ZNF438: variants seen among roughly 807,000 people sequenced by gnomAD.
ZNF438 encodes the protein zinc finger protein 438.
In ZNF438, 25 loss-of-function variants were observed where a neutral mutation model predicts 38.0. The ratio of observed to expected loss-of-function variants is 0.66; its 90% CI spans 0.48 to 0.92. ZNF438 has a LOEUF of 0.92. Ranked by LOEUF, ZNF438 falls within the 40% of genes least tolerant of loss-of-function variation. The pLI is 0.00. For missense variants in ZNF438, 1,007 were observed against 999.6 expected, an observed-to-expected ratio of 1.01 and a Z score of -0.10; for synonymous variants, 372 against 364.1, an observed-to-expected ratio of 1.02 and a Z score of -0.25.
intron 1 of ZNF438, among the ~76,000 whole-genome samples, chr10:30,952,277 A>G (rs2048306404): frequency 6.7e-6 from 1 of 148,962 alleles, no homozygotes; most frequent in African/African-American, 2.4e-5. Flanking sequence ...CTTAAACGTT[A>G]GACCTAAAAC....
At chr10:30,990,862 CTT>C (rs573471697) in intron 1 of ZNF438, among the ~76,000 whole-genome samples, 2 of 146,022 alleles carry the variant, frequency 1.4e-5, no homozygotes, top group Non-Finnish European at 1.5e-5. Context: ...GAAGATATAT[CTT>C]TTTTTTTTTA....
intron 5 of ZNF438, among the ~76,000 whole-genome samples, chr10:30,846,391 G>A (rs1202110301): frequency 1.3e-5 from 2 of 152,220 alleles, no homozygotes; most frequent in Non-Finnish European, 2.9e-5. Flanking sequence ...TTGCTGCTGG[G>A]AAAACATGGA....
intron 1 of ZNF438, among the ~76,000 whole-genome samples, chr10:31,009,236 CTAGA>C (rs2055427628): frequency 6.6e-6 from 1 of 152,168 alleles, no homozygotes; most frequent in South Asian, 2.1e-4. Flanking sequence ...GCTACTTGCA[CTAGA>C]TAGATTGTGT....
chr10:30,908,851 T>C (rs984134220), intron 3 of ZNF438, 82 bp downstream of exon 4: 7 of 152,194 alleles, frequency 4.6e-5, no homozygotes, highest in Admixed American at 3.9e-4. Flanking sequence ...CCATTTGCAG[T>C]TGATTTAAGG....
intron 4 of ZNF438, among the ~76,000 whole-genome samples, chr10:30,862,141 C>T (rs2035684824): frequency 6.6e-6 from 1 of 152,170 alleles, no homozygotes; most frequent in Non-Finnish European, 1.5e-5. Flanking sequence ...AATACCTGTG[C>T]ACGCTGTCCT....
chr10:30,975,054 TA>T (rs937943237), intron 1 of ZNF438, among the ~76,000 whole-genome samples: 2 of 151,400 alleles, frequency 1.3e-5, no homozygotes, highest in African/African-American at 4.9e-5. Context: ...AATCATCCAC[TA>T]AAAAAGAAAA....
intron 1 of ZNF438, among the ~76,000 whole-genome samples, chr10:30,997,824 T>G (rs1589651955): frequency 6.6e-6 from 1 of 152,156 alleles, no homozygotes; most frequent in South Asian, 2.1e-4. Context: ...ATGTCATTCT[T>G]GGAGTTAAAG....
intron 3 of ZNF438, among the ~76,000 whole-genome samples, chr10:30,902,971 G>A (rs1589113563): frequency 7.7e-6 from 1 of 129,458 alleles, no homozygotes. Flanking sequence ...GCTAAGGACC[G>A]GGGAGAAATC....
intron 1 of ZNF438, among the ~76,000 whole-genome samples, chr10:30,946,969 C>T (rs1026512111): frequency 2.0e-5 from 3 of 152,222 alleles, no homozygotes; most frequent in African/African-American, 7.2e-5. Context: ...TACCACGTCA[C>T]ATACAAAATA....
intron 2 of ZNF438, among the ~76,000 whole-genome samples, chr10:30,916,886 T>A (rs1160935234): frequency 6.6e-6 from 1 of 152,120 alleles, no homozygotes; most frequent in Non-Finnish European, 1.5e-5. Flanking sequence ...TCAATTTGTA[T>A]AACCACTAGC....
chr10:31,024,296 G>T (rs1270236978), intron 1 of ZNF438, among the ~76,000 whole-genome samples: 3 of 152,036 alleles, frequency 2.0e-5, no homozygotes, highest in Non-Finnish European at 4.4e-5. Context: ...TTGTCAAGAA[G>T]ATTAAATGGG....
At position 30,844,967 on chromosome 10, in the gene ZNF438, C is replaced by T. The variant is rs200884982; in HGVS notation, c.2481G>A (p.Glu827=). The change falls in exon 6 of 6, where the codon GAG becomes GAA. Residue 827 remains glutamate, a synonymous_variant. Transcript: ENST00000413025. Reference sequence around the variant, plus strand: ...CCCAGGCTGCCTTGGGGTCTCATTTCTCAGCTTCACTGGAAAGTTCGATCA... The same window carrying T: ...CCCAGGCTGCCTTGGGGTCTCATTTTTCAGCTTCACTGGAAAGTTCGATCA... 9.9e-6 allele frequency: 16 copies of T among 1,612,984 alleles called. No homozygotes were observed. The African/African-American group carries it at 1.9e-4, about 19-fold the overall frequency.
At chr10:30,889,137 A>C (rs1372697074) in intron 3 of ZNF438, among the ~76,000 whole-genome samples, 1 of 152,224 alleles carries the variant, frequency 6.6e-6, no homozygotes, top group Non-Finnish European at 1.5e-5. Flanking sequence ...TTGTAATAAC[A>C]GTATTCTTCA....
intron 1 of ZNF438, among the ~76,000 whole-genome samples, chr10:31,015,436 G>C (rs543306853): frequency 6.6e-6 from 1 of 152,242 alleles, no homozygotes; most frequent in East Asian, 1.9e-4. Context: ...CTGAGGTCAG[G>C]AGTTCAAGAC....
chr10:30,997,673 C>A (rs1419820485), intron 1 of ZNF438, among the ~76,000 whole-genome samples: 1 of 151,564 alleles, frequency 6.6e-6, no homozygotes, highest in African/African-American at 2.4e-5. Flanking sequence ...CACTGACTGG[C>A]TTAGAAACGG....
At chr10:30,850,823 C>T (rs1436663839) in intron 4 of ZNF438, among the ~76,000 whole-genome samples, 2 of 152,298 alleles carry the variant, frequency 1.3e-5, no homozygotes, top group East Asian at 1.9e-4. Context: ...TGTGAGGGTA[C>T]AGCCTATATT....
At chr10:30,887,047 C>G (rs1486877947) in intron 3 of ZNF438, among the ~76,000 whole-genome samples, 1 of 152,138 alleles carries the variant, frequency 6.6e-6, no homozygotes, top group Non-Finnish European at 1.5e-5. Flanking sequence ...CCCCTGTGAG[C>G]GTGTCTTTCA....
intron 1 of ZNF438, among the ~76,000 whole-genome samples, chr10:30,996,579 C>T (rs957187016): frequency 6.6e-6 from 1 of 151,846 alleles, no homozygotes; most frequent in Non-Finnish European, 1.5e-5. Flanking sequence ...GAAGAAAAGA[C>T]AGTTGAAGGG....
At chr10:30,917,157 C>T (rs539908018) in intron 2 of ZNF438, among the ~76,000 whole-genome samples, 4 of 152,210 alleles carry the variant, frequency 2.6e-5, no homozygotes, top group South Asian at 4.1e-4. Context: ...CTAGAAGCAA[C>T]GACTTTTCTC....
Sources: allele counts gnomAD v4.1 joint callset (sites outside exome capture counted in the v4.1 genomes callset), GRCh38; gene constraint gnomAD v4.1.1; transcripts MANE v1.5; gene names NCBI Gene and HGNC (gene_info 2026-07-23, HGNC 2026-07-21).